The following C8A variants were observed in gnomAD, a reference collection of about 807,000 sequenced individuals.
The protein encoded by C8A is complement component C8 alpha chain.
C8A carries 67 observed loss-of-function variants against 65.3 expected under a neutral mutation model. That is an observed-to-expected ratio of 1.03 (90% confidence interval 0.84 to 1.26). The LOEUF (loss-of-function observed/expected upper bound fraction) is 1.26, where lower values mean the gene tolerates loss of function less well. C8A is among the 50% of genes most tolerant of loss of function. C8A has a pLI of 0.00. For missense variants in C8A, 781 were observed against 723.9 expected (o/e 1.08, Z -0.90); for synonymous variants, 290 against 259.4 (o/e 1.12, Z -1.13).
At chr1:56,917,306 G>A (rs1644560198) in intron 10 of C8A, among the ~76,000 whole-genome samples, 1 of 152,234 alleles carries the variant, frequency 6.6e-6, no homozygotes, top group African/African-American at 2.4e-5. Context: ...TCCCTGGACA[G>A]AGCCCCCAGG....
intron 9 of C8A, among the ~76,000 whole-genome samples, chr1:56,908,346 A>G (rs1456245182): frequency 6.6e-6 from 1 of 152,146 alleles, no homozygotes; most frequent in Non-Finnish European, 1.5e-5. Flanking sequence ...CTAGTTTTAC[A>G]CTGCTCATCC....
At chr1:56,870,510 T>G (rs1457205706) in intron 2 of C8A, among the ~76,000 whole-genome samples, 1 of 152,084 alleles carries the variant, frequency 6.6e-6, no homozygotes, top group Non-Finnish European at 1.5e-5. Flanking sequence ...GACACTGTGA[T>G]GACACTTAGT....
Position 56,917,671 on chromosome 1 carries a change from A to T in C8A, c.1710A>T (p.Gly570=). 1.2e-6 allele frequency: 2 copies of T among 1,614,186 alleles called. No homozygotes were observed. Among genetic ancestry groups the T allele is most frequent in the Non-Finnish European group, 1.7e-6 (2 of 1,180,030 alleles). ...RECDNPAPQN[G]GASCPGRKVQ... ...GTGACAATCCAGCACCTCAGAATGG[A>T]GGGGCCTCGTGTCCAGGGCGGAAAG... is the stretch of plus-strand genomic sequence containing the variant. Residue 570 remains glycine (G), a synonymous_variant, in exon 11 of 11, where the codon GGA becomes GGT. Transcript: ENST00000361249.
At chr1:56,905,296 T>C (rs1256923362) in intron 7 of C8A, among the ~76,000 whole-genome samples, 3 of 152,130 alleles carry the variant, frequency 2.0e-5, no homozygotes, top group Non-Finnish European at 4.4e-5. Flanking sequence ...CTTCTTTCCA[T>C]AAATGGGAAA....
At position 56,917,757 on chromosome 1, in the gene C8A, G is replaced by C. The variant is rs778334926; in HGVS notation, c.*41G>C. 1.9e-6 allele frequency: 3 copies of C among 1,610,742 alleles called. No homozygotes were observed. Among genetic ancestry groups the C allele is most frequent in the Admixed American group, 3.3e-5 (2 of 59,996 alleles). ...GGCTGGACCAGATGCTGTGGATGTCGACCCCTGCACTGACTATTGGATAAA... is the reference window on the plus strand; with the variant it reads ...GGCTGGACCAGATGCTGTGGATGTCCACCCCTGCACTGACTATTGGATAAA... On this transcript the variant is annotated 3_prime_UTR_variant, in exon 11 of 11. Transcript: ENST00000361249.
chr1:56,911,485 G>T (rs1029352630), intron 9 of C8A, among the ~76,000 whole-genome samples: 2 of 152,182 alleles, frequency 1.3e-5, no homozygotes, highest in African/African-American at 4.8e-5. Context: ...TCCTCCTTGT[G>T]CTTCATCTAC....
chr1:56,902,583 T>C (rs979025812), intron 7 of C8A, among the ~76,000 whole-genome samples: 10 of 152,224 alleles, frequency 6.6e-5, no homozygotes, highest in Non-Finnish European at 5.9e-5. Flanking sequence ...TATAGGGACA[T>C]GTTGCTCTCA....
chr1:56,878,048 T>G (rs1644214998), intron 4 of C8A, among the ~76,000 whole-genome samples: 3 of 152,174 alleles, frequency 2.0e-5, no homozygotes, highest in Non-Finnish European at 4.4e-5. Context: ...AAGTCTGAAG[T>G]CAGGGTGTCA....
At chr1:56,885,882 T>G in intron 6 of C8A, 45 bp from the exon 7 acceptor site, 1 of 1,613,004 alleles carries the variant, frequency 6.2e-7, no homozygotes, top group Non-Finnish European at 8.5e-7. Context: ...GTAAAATATA[T>G]GCTCTCTTTG....
intron 1 of C8A, among the ~76,000 whole-genome samples, chr1:56,864,125 T>A (rs755621996): frequency 2.6e-5 from 4 of 152,198 alleles, no homozygotes; most frequent in Admixed American, 6.5e-5. Flanking sequence ...GTGCAGAGAT[T>A]GACGAAATCA....
intron 4 of C8A, among the ~76,000 whole-genome samples, chr1:56,879,977 G>A (rs1470629547): frequency 3.3e-5 from 5 of 152,134 alleles, no homozygotes; most frequent in Non-Finnish European, 4.4e-5. Flanking sequence ...CATCCCTTGG[G>A]AACACAGAGG....
At chr1:56,907,244 T>C (rs1411009) in intron 8 of C8A, among the ~76,000 whole-genome samples, 28,372 of 152,174 alleles carry the variant, frequency 0.19, 3,291 homozygotes, top group East Asian at 0.39. Context: ...GGGGTGTTCA[T>C]GTGTTCATTT....
Position 56,917,851 on chromosome 1 carries a change from T to C in C8A, c.*135T>C. ...TCTTTGTTCTGCCAGCTTCCAGGCC[T>C]AAGACTAGGTTTTGCTGTCTACAGC... is the stretch of plus-strand genomic sequence containing the variant. On this transcript the variant is annotated 3_prime_UTR_variant, in exon 11 of 11. Coordinates refer to ENST00000361249, the MANE Select transcript of C8A (RefSeq NM_000562.3). 9.3e-7 allele frequency: 1 copy of C among 1,077,050 alleles called. No homozygotes were observed. Among genetic ancestry groups the C allele is most frequent in the Non-Finnish European group, 1.4e-6 (1 of 733,072 alleles). The allele number at this position is 1,077,050 out of a possible 1,614,324, so 66.7% of individuals were successfully genotyped here. A position where few individuals can be genotyped will look rare whatever the true frequency, so the allele number is the denominator to read the frequency against.
intron 1 of C8A, among the ~76,000 whole-genome samples, chr1:56,862,240 T>C (rs1361554715): frequency 6.6e-6 from 1 of 152,238 alleles, no homozygotes; most frequent in African/African-American, 2.4e-5. Flanking sequence ...GTTTTATAGC[T>C]ATAAGAAAAT....
intron 9 of C8A, 49 bp downstream of exon 9, chr1:56,908,162 G>T: frequency 6.4e-7 from 1 of 1,562,578 alleles, no homozygotes; most frequent in Non-Finnish European, 8.8e-7. Flanking sequence ...AGGAATGAAA[G>T]TGAAGCAGAC....
At chr1:56,865,364 T>C (rs768084518) in intron 1 of C8A, among the ~76,000 whole-genome samples, 1 of 152,216 alleles carries the variant, frequency 6.6e-6, no homozygotes, top group Non-Finnish European at 1.5e-5. Flanking sequence ...GGTGAGGGCC[T>C]ACTTCTTCGG....
chr1:56,879,472 G>A (rs796498959), intron 4 of C8A, among the ~76,000 whole-genome samples: 7 of 152,154 alleles, frequency 4.6e-5, no homozygotes, highest in South Asian at 2.1e-4. Flanking sequence ...AGGGATTACC[G>A]TTTCTTTGAG....
At position 56,912,536 on chromosome 1, in the gene C8A, A is replaced by AT. The variant is rs746369395; in HGVS notation, c.1515dup (p.Gly506TrpfsTer18). The stretch of plus-strand genomic sequence containing the variant: ...TGCCGATGTGGGCCTTGCTTCAACA[A>AT]TGGGGTGCCCATCCTCGAGGGCACC... On this transcript the variant is annotated frameshift_variant, in exon 10 of 11. Transcript: ENST00000361249. LOFTEE classifies it high-confidence loss of function. 6.2e-7 allele frequency: 1 copy of AT among 1,614,166 alleles called. No individual in the cohort carries two copies. Among genetic ancestry groups the AT allele is most frequent in the East Asian group, 2.2e-5 (1 of 44,876 alleles).
In C8A at chr1:56,856,914, T is replaced by G. The variant is rs563414564; in HGVS notation, c.77+1936T>G. Among the ~76,000 whole-genome samples, 331 of 152,228 alleles carry G rather than the reference T, an allele frequency of 2.2e-3. 3 individuals are homozygous for G. Among genetic ancestry groups the G allele is most frequent in the Non-Finnish European group, 3.4e-3 (229 of 67,940 alleles). On this transcript the variant is annotated intron_variant, in intron 1 of 10. Coordinates refer to ENST00000361249, the MANE Select transcript of C8A (RefSeq NM_000562.3). ...TGGTGATGGAAGGAAGTTATAATCT[T>G]CAGCCTCAAAATCTGTGGGTCTCTA...
Sources: gnomAD v4.1 joint callset for allele counts (sites outside exome capture counted in the v4.1 genomes callset) on GRCh38, gnomAD v4.1.1 for gene constraint, MANE v1.5 for transcripts, NCBI Gene and HGNC (gene_info 2026-07-23, HGNC 2026-07-21) for gene names.